Variants in KIAA0825 observed in about 807,000 individuals in gnomAD.
KIAA0825 encodes the protein KIAA0825, also known as uncharacterized protein KIAA0825.
Under a neutral mutation model 147.6 loss-of-function variants are expected in KIAA0825, and 119 were observed. The observed-to-expected ratio is 0.81, with a 90% CI of 0.69 to 0.94. The LOEUF (loss-of-function observed/expected upper bound fraction) is 0.94, where lower values mean the gene tolerates loss of function less well. Ranked by LOEUF, KIAA0825 falls within the 40% of genes least tolerant of loss-of-function variation. The pLI is 0.00. For missense variants in KIAA0825, 1,381 were observed against 1,472.7 expected (o/e 0.94, Z 1.02); for synonymous variants, 470 against 518.1 (o/e 0.91, Z 1.26).
rs1031658205 is a variant in KIAA0825, at chr5:94,536,896, A to C, written c.131+100T>G. The C allele has an allele frequency of 3.8e-6, 3 of 796,944 alleles. No individual in the cohort carries two copies. In the African/African-American group the frequency reaches 5.3e-5, roughly 14 times the overall value. 49.4% of individuals were successfully genotyped at this position (796,944 alleles called of 1,614,324 possible). A position where few individuals can be genotyped will look rare whatever the true frequency, so the allele number is the denominator to read the frequency against. On this transcript the variant is annotated intron_variant, in intron 3 of 20. Transcript: ENST00000682413. Reference sequence around the variant, plus strand: ...TTTGGGGGAAAGTTAATGATAATTAAAACCTAAAATTATCTAAGAGCAGGA... The same window carrying C: ...TTTGGGGGAAAGTTAATGATAATTACAACCTAAAATTATCTAAGAGCAGGA...
chr5:94,231,109 G>A (rs749016107), intron 20 of KIAA0825, among the ~76,000 whole-genome samples: 10 of 152,076 alleles, frequency 6.6e-5, no homozygotes, highest in African/African-American at 1.7e-4. Context: ...AAATTTTTCC[G>A]TTCAGGATGT....
intron 20 of KIAA0825, among the ~76,000 whole-genome samples, chr5:94,253,035 A>AATT (rs1776050522): frequency 6.6e-6 from 1 of 152,176 alleles, no homozygotes; most frequent in Non-Finnish European, 1.5e-5. Context: ...ATCAACAATT[A>AATT]ATTTGTGCAA....
intron 5 of KIAA0825, among the ~76,000 whole-genome samples, chr5:94,502,521 G>A (rs894828887): frequency 3.9e-5 from 6 of 152,054 alleles, no homozygotes; most frequent in African/African-American, 1.4e-4. Flanking sequence ...ATGTGCATAA[G>A]AAAAATTCTA....
At chr5:94,493,411 A>C (rs1460939794) in intron 5 of KIAA0825, among the ~76,000 whole-genome samples, 2 of 152,218 alleles carry the variant, frequency 1.3e-5, no homozygotes, top group Non-Finnish European at 2.9e-5. Context: ...ACAAAGTAGC[A>C]ACTGCTTCCA....
chr5:94,237,428 T>C (rs1234259040), intron 20 of KIAA0825, among the ~76,000 whole-genome samples: 1 of 152,154 alleles, frequency 6.6e-6, no homozygotes, highest in East Asian at 1.9e-4. Flanking sequence ...AAGGCTGCAA[T>C]GAGGGTGCAA....
At chr5:94,617,898 C>T (rs1221097038) in intron 1 of KIAA0825, 3 of 152,238 alleles carry the variant, frequency 2.0e-5, no homozygotes, top group Admixed American at 2.0e-4. Flanking sequence ...TTACTGATCA[C>T]TGCTTTCCAA....
At position 94,608,935 on chromosome 5, in the gene KIAA0825, T is replaced by C. The variant is rs1238298040; in HGVS notation, c.-153+9565A>G. ...AAATCAGCATACCTCAATGAATCAATATTTTCCAAAAGGCTGGTATATTAT... is the reference window on the plus strand; with the variant it reads ...AAATCAGCATACCTCAATGAATCAACATTTTCCAAAAGGCTGGTATATTAT... On this transcript the variant is annotated intron_variant, in intron 1 of 20. Transcript: ENST00000682413. 2.6e-5 allele frequency among the ~76,000 whole-genome samples: 4 copies of C among 152,242 alleles called. No homozygotes were observed. The East Asian group carries it at 7.7e-4, about 29-fold the overall frequency.
At chr5:94,368,936 G>T (rs554535459) in intron 20 of KIAA0825, among the ~76,000 whole-genome samples, 2 of 152,220 alleles carry the variant, frequency 1.3e-5, no homozygotes, top group South Asian at 4.1e-4. Flanking sequence ...GGGAGGTTGA[G>T]CCAAGCAGAC....
chr5:94,399,663 T>C (rs1412571885), intron 16 of KIAA0825, among the ~76,000 whole-genome samples: 3 of 152,116 alleles, frequency 2.0e-5, no homozygotes, highest in Non-Finnish European at 4.4e-5. Flanking sequence ...CTAAGCCGTA[T>C]ATATGTAACA....
chr5:94,283,393 C>G (rs1389838694), intron 20 of KIAA0825, among the ~76,000 whole-genome samples: 1 of 151,976 alleles, frequency 6.6e-6, no homozygotes, highest in Non-Finnish European at 1.5e-5. Flanking sequence ...AGTGTAGGGG[C>G]TGTTTTCTGT....
At chr5:94,524,603 C>T (rs907983020) in intron 3 of KIAA0825, among the ~76,000 whole-genome samples, 1 of 150,774 alleles carries the variant, frequency 6.6e-6, no homozygotes, top group African/African-American at 2.4e-5. Flanking sequence ...TTACTACAGC[C>T]AAATACCTTT....
chr5:94,344,671 A>G (rs1782795779), intron 20 of KIAA0825, among the ~76,000 whole-genome samples: 2 of 152,248 alleles, frequency 1.3e-5, no homozygotes, highest in Admixed American at 6.5e-5. Context: ...CAAGTTGTAC[A>G]TTGATAGATA....
At chr5:94,379,115 C>T (rs1748012636) in intron 20 of KIAA0825, among the ~76,000 whole-genome samples, 2 of 152,138 alleles carry the variant, frequency 1.3e-5, no homozygotes, top group African/African-American at 4.8e-5. Context: ...TTAATTAGAT[C>T]CCATTTGTCA....
intron 20 of KIAA0825, among the ~76,000 whole-genome samples, chr5:94,164,182 A>T (rs1482543888): frequency 6.6e-6 from 1 of 152,188 alleles, no homozygotes; most frequent in Non-Finnish European, 1.5e-5. Flanking sequence ...GACATTCCTT[A>T]TAGAAATAAA....
chr5:94,550,750 G>T lies in KIAA0825; in HGVS notation c.-1-13623C>A, dbSNP rs1003583883. Among the ~76,000 whole-genome samples the T allele has an allele frequency of 2.0e-5, 3 of 152,014 alleles. No homozygotes were observed. The East Asian group carries it at 5.8e-4, about 30-fold the overall frequency. On this transcript the variant is annotated intron_variant, in intron 2 of 20. Transcript: ENST00000682413. ...CCAGCTACTTGGGAGGCTGAGGCAG[G>T]AGAATGGCGTGAGCCCGGGAGGCGG...
At chr5:94,439,894 T>C (rs1756857407) in intron 14 of KIAA0825, 88 bp downstream of exon 14, 1 of 1,349,644 alleles carries the variant, frequency 7.4e-7, no homozygotes, top group Non-Finnish European at 1.0e-6. Flanking sequence ...TACATCTTTC[T>C]TCCAATGTTT....
chr5:94,354,673 T>C (rs1423916548), intron 20 of KIAA0825, among the ~76,000 whole-genome samples: 7 of 152,210 alleles, frequency 4.6e-5, no homozygotes, highest in Non-Finnish European at 8.8e-5. Context: ...ATAAGGGACA[T>C]TGTCAAGTCC....
chr5:94,613,261 C>G (rs1334378514), intron 1 of KIAA0825, among the ~76,000 whole-genome samples: 2 of 152,114 alleles, frequency 1.3e-5, no homozygotes, highest in African/African-American at 2.4e-5. Context: ...GTGACATGAT[C>G]TCGGTTCACT....
rs141862471 is a variant in KIAA0825 at position 94,299,501 on chromosome 5, C to T, written c.3710+84867G>A. Among the ~76,000 whole-genome samples, 19 of 152,120 alleles carry T rather than the reference C, an allele frequency of 1.2e-4. No homozygotes were observed. In the East Asian group the frequency reaches 2.9e-3, roughly 23 times the overall value. On this transcript the variant is annotated intron_variant, in intron 20 of 20. Transcript: ENST00000682413. ...AAGTGCTGAGATTACAGGCATGAGC[C>T]ACCATTCCTTGCCTGAATTCAATCT...
Sources: allele counts gnomAD v4.1 joint callset (sites outside exome capture counted in the v4.1 genomes callset), GRCh38; gene constraint gnomAD v4.1.1; transcripts MANE v1.5; gene names NCBI Gene and HGNC (gene_info 2026-07-23, HGNC 2026-07-21).